The following PLXNA2 variants were observed in gnomAD, a reference collection of about 807,000 sequenced individuals.
The protein encoded by PLXNA2 is plexin A2, also known as plexin-A2.
In PLXNA2, 91 loss-of-function variants were observed where a neutral mutation model predicts 193.5. The observed-to-expected ratio is 0.47, with a 90% CI of 0.40 to 0.56. The LOEUF is 0.56. Among genes scored for constraint, PLXNA2 ranks in the 20% least tolerant of loss-of-function variants. The pLI, the probability that PLXNA2 is intolerant of heterozygous loss-of-function variation, is 0.00. For missense variants in PLXNA2, 1,995 were observed against 2,503.2 expected (o/e 0.80, Z 4.33); for synonymous variants, 997 against 1,027.3 (o/e 0.97, Z 0.56).
intron 3 of PLXNA2, among the ~76,000 whole-genome samples, chr1:208,156,218 A>G (rs905603377): frequency 2.0e-5 from 3 of 152,212 alleles, no homozygotes; most frequent in African/African-American, 7.2e-5. Context: ...GTTCAGCTTT[A>G]GACATCCTGA....
rs200930140 is a variant in PLXNA2 at position 208,127,210 on chromosome 1, A to T, written c.1506+15119T>A. Among the ~76,000 whole-genome samples, 1,133 of 152,256 alleles carry T rather than the reference A, an allele frequency of 7.4e-3. 13 individuals carry two copies. Among genetic ancestry groups the T allele is most frequent in the African/African-American group, 0.026 (1,070 of 41,550 alleles). ...GAAGAAAATGGAGTGAGAAAGCCAT[A>T]CTCTACCTTGGATGATTGTTTTTGC... On this transcript the variant is annotated intron_variant, in intron 4 of 31. Transcript: ENST00000367033.
chr1:208,222,867 T>C (rs1452458044), intron 1 of PLXNA2, among the ~76,000 whole-genome samples: 5 of 152,190 alleles, frequency 3.3e-5, no homozygotes, highest in Non-Finnish European at 7.4e-5. Context: ...GGCCCATCTG[T>C]AGCTCCACTT....
chr1:208,042,100 C>T lies in PLXNA2; in HGVS notation c.4284G>A (p.Arg1428=), dbSNP rs146708658. 127 of 1,613,558 alleles carry T rather than the reference C, an allele frequency of 7.9e-5. 1 individual carries two copies. Among genetic ancestry groups the T allele is most frequent in the South Asian group, 3.4e-4 (31 of 91,058 alleles). Residue 1428 remains arginine (R), a splice_region_variant and synonymous_variant, in exon 22 of 32, where the codon CGG becomes CGA. Transcript: ENST00000367033. The stretch of plus-strand genomic sequence containing the variant: ...CCACCCACTGCTGCGGGCCAGACCT[C>T]CGGAGTAGCAGCTTGGGGTGGTTCT... ...ENKNHPKLLL[R]RTESVAEKML...
rs906254245 is a variant in PLXNA2, at chr1:208,079,076, A to T, written c.2586+184T>A. Among the ~76,000 whole-genome samples the T allele has an allele frequency of 5.9e-5, 9 of 152,006 alleles. No individual in the cohort carries two copies. The East Asian group carries it at 1.7e-3, about 29-fold the overall frequency. ...CAGGCATGAGGATGCGCTTCCATAC[A>T]CTTACCTCTTATACCTAGACAGGGG... On this transcript the variant is annotated intron_variant, in intron 12 of 31. Coordinates refer to ENST00000367033, the MANE Select transcript of PLXNA2 (RefSeq NM_025179.4).
chr1:208,235,997 G>C (rs1671839513), intron 1 of PLXNA2, among the ~76,000 whole-genome samples: 1 of 152,170 alleles, frequency 6.6e-6, no homozygotes, highest in South Asian at 2.1e-4. Flanking sequence ...TTGTTAGAAA[G>C]TTTTAAGCAG....
chr1:208,051,620 T>C (rs1430900475), intron 15 of PLXNA2, among the ~76,000 whole-genome samples, 197 bp from the exon 16 acceptor site: 1 of 152,152 alleles, frequency 6.6e-6, no homozygotes, highest in Non-Finnish European at 1.5e-5. Context: ...GGCAGCAAAT[T>C]GGAGACGGGG....
chr1:208,140,481 C>T (rs1455200117), intron 4 of PLXNA2, among the ~76,000 whole-genome samples: 1 of 152,198 alleles, frequency 6.6e-6, no homozygotes, highest in Non-Finnish European at 1.5e-5. Flanking sequence ...GCCTGGTCCT[C>T]TGCTACACAC....
intron 5 of PLXNA2, among the ~76,000 whole-genome samples, chr1:208,102,497 G>A (rs947293295): frequency 2.0e-5 from 3 of 152,242 alleles, no homozygotes; most frequent in African/African-American, 2.4e-5. Context: ...CAGTTGAAGT[G>A]AGATGTGAAC....
intron 3 of PLXNA2, among the ~76,000 whole-genome samples, chr1:208,168,323 C>T (rs1669374804): frequency 6.6e-6 from 1 of 152,142 alleles, no homozygotes; most frequent in Non-Finnish European, 1.5e-5. Flanking sequence ...AATACCTTCC[C>T]TCAGATTTCA....
At chr1:208,210,683 A>G (rs1572036167) in intron 2 of PLXNA2, among the ~76,000 whole-genome samples, 1 of 152,200 alleles carries the variant, frequency 6.6e-6, no homozygotes, top group Non-Finnish European at 1.5e-5. Context: ...AACAGGCAGC[A>G]ACCTTCCACT....
At chr1:208,029,216 G>A (rs565031572) in intron 29 of PLXNA2, 174 bp from the exon 30 acceptor site, 4 of 1,428,616 alleles carry the variant, frequency 2.8e-6, no homozygotes, top group Non-Finnish European at 3.7e-6. Context: ...TACTGACCTG[G>A]GAGAAATGGA....
At chr1:208,108,168 A>G (rs565802901) in intron 4 of PLXNA2, among the ~76,000 whole-genome samples, 16 of 152,182 alleles carry the variant, frequency 1.1e-4, no homozygotes, top group African/African-American at 3.6e-4. Flanking sequence ...AACTCTCTCA[A>G]TTCAGCACAC....
rs1443847597 is a variant in PLXNA2, at chr1:208,152,967, G to A, written c.1372-10504C>T. ...TTGGAACTCCCATAGCACCTAGAAT[G>A]TCTCTTGGCACAGTTACTTGTAAAC... On this transcript the variant is annotated intron_variant, in intron 3 of 31. Coordinates refer to ENST00000367033, the MANE Select transcript of PLXNA2 (RefSeq NM_025179.4). 1.2e-3 allele frequency among the ~76,000 whole-genome samples: 182 copies of A among 152,224 alleles called. 1 individual carries two copies. The highest frequency in any genetic ancestry group is 4.2e-3 in the African/African-American group (176 of 41,530).
intron 3 of PLXNA2, among the ~76,000 whole-genome samples, chr1:208,198,546 C>T (rs766658066): frequency 6.6e-5 from 10 of 152,256 alleles, no homozygotes; most frequent in South Asian, 2.1e-4. Flanking sequence ...TGCCACCCCG[C>T]GCATTGTGAC....
intron 1 of PLXNA2, among the ~76,000 whole-genome samples, chr1:208,233,448 G>A (rs1387243105): frequency 1.3e-5 from 2 of 152,128 alleles, no homozygotes; most frequent in East Asian, 1.9e-4. Context: ...TTTCTTCCTG[G>A]CCCCCAGGGA....
intron 1 of PLXNA2, among the ~76,000 whole-genome samples, chr1:208,233,424 C>T (rs568643331): frequency 6.6e-6 from 1 of 152,334 alleles, no homozygotes; most frequent in South Asian, 2.1e-4. Context: ...GGCTGCTTCC[C>T]CAGGGCCCTG....
chr1:208,113,936 G>T (rs1380588444), intron 4 of PLXNA2, among the ~76,000 whole-genome samples: 1 of 152,156 alleles, frequency 6.6e-6, no homozygotes, highest in Non-Finnish European at 1.5e-5. Flanking sequence ...ATCATCAGGG[G>T]AAGGAGCCCA....
chr1:208,086,875 T>C (rs1666541622), intron 9 of PLXNA2, among the ~76,000 whole-genome samples: 1 of 151,006 alleles, frequency 6.6e-6, no homozygotes, highest in African/African-American at 2.4e-5. Flanking sequence ...TGTTAGCAGC[T>C]AAAATATCTG....
Position 208,038,826 on chromosome 1 carries a change from C to G in PLXNA2, c.4659G>C (p.Leu1553Phe). ...ACACTCTGAGTCCAGGTTTCCTACC[C>G]AAGTCCATGTCCACTGCCCTCGGCC... Reference protein sequence around the residue: ...SQRPRAVDMDLEWRQGRIARV... With the variant: ...SQRPRAVDMDFEWRQGRIARV... Residue 1553 changes from leucine (L) to phenylalanine (F), a missense_variant and splice_region_variant, in exon 25 of 32, where the codon TTG (leucine) becomes TTC (phenylalanine). Coordinates refer to ENST00000367033, the MANE Select transcript of PLXNA2 (RefSeq NM_025179.4). The surrounding 1 kb of genome is among the most constrained non-coding windows in gnomAD (Gnocchi z 4.1). 3.7e-6 allele frequency: 6 copies of G among 1,613,488 alleles called. No individual in the cohort carries two copies. Among genetic ancestry groups the G allele is most frequent in the Non-Finnish European group, 5.1e-6 (6 of 1,179,626 alleles).
Sources: gnomAD v4.1 joint callset for allele counts (sites outside exome capture counted in the v4.1 genomes callset) on GRCh38, gnomAD v4.1.1 for gene constraint, Gnocchi (gnomAD v3.1) non-coding constraint, MANE v1.5 for transcripts, NCBI Gene and HGNC (gene_info 2026-07-23, HGNC 2026-07-21) for gene names.